Variants in ZFP64 observed in about 807,000 individuals in gnomAD.
The protein encoded by ZFP64 is ZFP64 zinc finger protein, also known as zinc finger protein 64.
In ZFP64, 14 loss-of-function variants were observed where a neutral mutation model predicts 51.6. The ratio of observed to expected loss-of-function variants is 0.27; its 90% CI spans 0.18 to 0.42. The LOEUF is 0.42. Among genes scored for constraint, ZFP64 ranks in the 10% least tolerant of loss-of-function variants. The pLI, the probability that ZFP64 is intolerant of heterozygous loss-of-function variation, is 1.00. For missense variants in ZFP64, 754 were observed against 906.8 expected (o/e 0.83, Z 2.16); for synonymous variants, 375 against 361.4 (o/e 1.04, Z -0.43).
At chr20:52,182,380 G>A (rs577834701) in intron 2 of ZFP64, among the ~76,000 whole-genome samples, 15 of 152,250 alleles carry the variant, frequency 9.9e-5, no homozygotes, top group African/African-American at 2.9e-4. Flanking sequence ...TCCAATGGTC[G>A]CAGGGCCGTG....
At chr20:52,100,683 G>A (rs1379442170) in intron 5 of ZFP64, among the ~76,000 whole-genome samples, 5 of 152,214 alleles carry the variant, frequency 3.3e-5, no homozygotes, top group Non-Finnish European at 5.9e-5. Flanking sequence ...CTTAGCATGA[G>A]AGGCTGTAGA....
chr20:52,163,056 C>G (rs1981958757), intron 4 of ZFP64, among the ~76,000 whole-genome samples: 1 of 152,138 alleles, frequency 6.6e-6, no homozygotes. Context: ...CTTTCTCTAT[C>G]ATCATTAATA....
chr20:52,171,585 G>T (rs1471350332), intron 2 of ZFP64, among the ~76,000 whole-genome samples: 3 of 151,942 alleles, frequency 2.0e-5, no homozygotes, highest in Non-Finnish European at 4.4e-5. Flanking sequence ...CGCCTCCCGG[G>T]TTCAAGTGAT....
In ZFP64 at chr20:52,191,560, G is replaced by C; in HGVS notation, c.46+31C>G. On this transcript the variant is annotated intron_variant, in intron 1 of 5. Transcript: ENST00000216923. The surrounding 1 kb of genome is among the most constrained non-coding windows in gnomAD (Gnocchi z 4.3). ...GCCCCGGAGCGCGCACTGGGCCCCGGAGCGCGCACTGCTCCCGGAAAAGCA... is the reference window on the plus strand; with the variant it reads ...GCCCCGGAGCGCGCACTGGGCCCCGCAGCGCGCACTGCTCCCGGAAAAGCA... The C allele has an allele frequency of 6.4e-7, 1 of 1,557,984 alleles. No homozygotes were observed. The highest frequency in any genetic ancestry group is 2.5e-5 in the East Asian group (1 of 40,008).
rs148870162 is a variant in ZFP64 at position 52,092,412 on chromosome 20, G to C, written c.977-3769C>G. Among the ~76,000 whole-genome samples the C allele has an allele frequency of 1.2e-4, 18 of 152,276 alleles. No individual in the cohort carries two copies. The East Asian group carries it at 3.3e-3, about 28-fold the overall frequency. ...TACCTAGTTGAAAACCATTCCAATA[G>C]ACTTTGGAAAAGCAGAAGGGGACTA... On this transcript the variant is annotated intron_variant, in intron 7 of 8. Coordinates refer to the ZFP64 transcript ENST00000361387.
chr20:52,110,649 G>T, intron 5 of ZFP64: 1 of 1,249,270 alleles, frequency 8.0e-7, no homozygotes, highest in South Asian at 1.4e-5. Context: ...GTCCTATGCA[G>T]CTGGCCACCA....
intron 5 of ZFP64, among the ~76,000 whole-genome samples, chr20:52,133,658 C>A (rs1184862037): frequency 6.6e-6 from 1 of 152,152 alleles, no homozygotes; most frequent in Non-Finnish European, 1.5e-5. Flanking sequence ...AAAGAACATA[C>A]GACCTGGCTT....
At chr20:52,088,562 G>A (rs751968225) in exon 8 of ZFP64, 2 of 1,614,192 alleles carry the variant, frequency 1.2e-6, no homozygotes, top group Non-Finnish European at 1.7e-6. Context: ...CTTCACACTG[G>A]TGTGGCACCG....
At position 52,160,043 on chromosome 20, in the gene ZFP64, T is replaced by G; in HGVS notation, c.763+80A>C. ...GGTTCCAACTCGATTTCTTACATTGTGGCTGAATGCTTTAAGGTGCTTATG... is the reference window on the plus strand; with the variant it reads ...GGTTCCAACTCGATTTCTTACATTGGGGCTGAATGCTTTAAGGTGCTTATG... On this transcript the variant is annotated intron_variant, in intron 5 of 5. Transcript: ENST00000216923. This position sits in a 1 kb window ranked among gnomAD's most constrained non-coding sequence, Gnocchi z 4.2. 1 of 1,586,474 alleles carries G rather than the reference T, an allele frequency of 6.3e-7. No homozygotes were observed. Among genetic ancestry groups the G allele is most frequent in the East Asian group, 2.2e-5 (1 of 44,584 alleles).
At chr20:52,133,865 C>CA (rs988991457) in intron 5 of ZFP64, among the ~76,000 whole-genome samples, 3 of 151,592 alleles carry the variant, frequency 2.0e-5, no homozygotes, top group Admixed American at 6.6e-5. Flanking sequence ...CCTGTCTCTA[C>CA]AAAAAATACA....
At chr20:52,096,090 CA>C (rs1600695958) in intron 7 of ZFP64, among the ~76,000 whole-genome samples, 1 of 152,358 alleles carries the variant, frequency 6.6e-6, no homozygotes, top group East Asian at 1.9e-4. Flanking sequence ...TATTATAGCA[CA>C]GTGCCCATCT....
chr20:52,103,634 A>C (rs1600708204), intron 5 of ZFP64, among the ~76,000 whole-genome samples: 2 of 152,142 alleles, frequency 1.3e-5, no homozygotes, highest in Non-Finnish European at 2.9e-5. Flanking sequence ...GCCTGGGGTT[A>C]CTCAGCAATT....
At chr20:52,105,104 C>T in intron 5 of ZFP64, 3 of 1,393,668 alleles carry the variant, frequency 2.2e-6, no homozygotes, top group Non-Finnish European at 2.8e-6. Context: ...CCCCAGCCCC[C>T]GGGCGGGGCT....
chr20:52,088,375 C>T, intron 8 of ZFP64: 1 of 1,611,118 alleles, frequency 6.2e-7, no homozygotes, highest in Non-Finnish European at 8.5e-7. Context: ...ATTGAGGTTT[C>T]CTGGTCAGGG....
chr20:52,190,483 A>C (rs1275232320), intron 1 of ZFP64, among the ~76,000 whole-genome samples: 1 of 152,156 alleles, frequency 6.6e-6, no homozygotes. Context: ...AATTTCTCCA[A>C]GAAAAAACAC....
At chr20:52,087,604 T>C (rs1424684862) in intron 8 of ZFP64, among the ~76,000 whole-genome samples, 1 of 152,216 alleles carries the variant, frequency 6.6e-6, no homozygotes, top group East Asian at 1.9e-4. Context: ...GGACTATATT[T>C]GGGAAAGTAG....
intron 2 of ZFP64, chr20:52,175,970 C>A: frequency 2.0e-6 from 2 of 985,280 alleles, no homozygotes; most frequent in East Asian, 1.1e-4. Flanking sequence ...GGCGTTAGAC[C>A]GGCCCAAATG....
At chr20:52,124,230 G>C (rs1013855228) in intron 5 of ZFP64, among the ~76,000 whole-genome samples, 2 of 144,960 alleles carry the variant, frequency 1.4e-5, no homozygotes, top group African/African-American at 2.5e-5. Flanking sequence ...TTGGCCACTA[G>C]AGTAAGAGCC....
chr20:52,176,080 C>T (rs1983185855), intron 2 of ZFP64: 2 of 443,434 alleles, frequency 4.5e-6, no homozygotes, highest in South Asian at 1.9e-4. Context: ...CTGACAGCAA[C>T]TGGGCCAATC....
Sources: allele counts gnomAD v4.1 joint callset (sites outside exome capture counted in the v4.1 genomes callset), GRCh38; gene constraint gnomAD v4.1.1; non-coding constraint Gnocchi (gnomAD v3.1); transcripts MANE v1.5; gene names NCBI Gene and HGNC (gene_info 2026-07-23, HGNC 2026-07-21).